The following PSKH2 variants were observed in gnomAD, a reference collection of about 807,000 sequenced individuals.
The protein encoded by PSKH2 is serine/threonine-protein kinase H2.
In PSKH2, 16 loss-of-function variants were observed where a neutral mutation model predicts 22.5. That is an observed-to-expected ratio of 0.71 (90% CI 0.48 to 1.08). The LOEUF (loss-of-function observed/expected upper bound fraction) is 1.08, where lower values mean the gene tolerates loss of function less well. PSKH2 is among the 50% of genes least tolerant of loss of function. The pLI is 0.00. For missense variants in PSKH2, 516 were observed against 492.8 expected (o/e 1.05, Z -0.44); for synonymous variants, 188 against 184.8 (o/e 1.02, Z -0.14).
chr8:86,047,777 T>G lies in PSKH2; in HGVS notation c.*685A>C, dbSNP rs1211438448. On this transcript the variant is annotated 3_prime_UTR_variant, in exon 3 of 3. Coordinates refer to ENST00000276616, the MANE Select transcript of PSKH2 (RefSeq NM_033126.3). ...ACATACTGAAAAGAGTTGACAGTAG[T>G]GATAAGAAGCAAGATGTTTATATTT... 2.6e-5 allele frequency among the ~76,000 whole-genome samples: 4 copies of G among 152,116 alleles called. No individual in the cohort carries two copies. The highest frequency in any genetic ancestry group is 5.9e-5 in the Non-Finnish European group (4 of 67,982).
At chr8:86,058,667 G>A (rs925989160) in intron 2 of PSKH2, among the ~76,000 whole-genome samples, 50 of 152,176 alleles carry the variant, frequency 3.3e-4, no homozygotes, top group African/African-American at 1.1e-3. Flanking sequence ...GAAATTAATC[G>A]TAATTCTAAA....
In PSKH2 at chr8:86,064,365, G is replaced by T; in HGVS notation, c.452C>A (p.Ala151Asp). 3 of 1,614,138 alleles carry T rather than the reference G, an allele frequency of 1.9e-6. No individual in the cohort carries two copies. Among genetic ancestry groups the T allele is most frequent in the Non-Finnish European group, 2.5e-6 (3 of 1,180,024 alleles). Residue 151 changes from alanine to aspartate, a missense_variant, in exon 2 of 3, where the codon GCT becomes GAT. By Grantham distance (126) the Ala-to-Asp change is moderately radical. Coordinates refer to ENST00000276616, the MANE Select transcript of PSKH2 (RefSeq NM_033126.3). ...ATCCCGCTCTGTAAAGGATCCCTGA[G>T]CAATGAGTCGATCAAAGAGCTCCCC... The part of the protein sequence containing the change: ...TGGELFDRLI[A>D]QGSFTERDAV...
At chr8:86,049,463 G>A (rs1817578787) in intron 2 of PSKH2, among the ~76,000 whole-genome samples, 1 of 151,946 alleles carries the variant, frequency 6.6e-6, no homozygotes, top group Non-Finnish European at 1.5e-5. Flanking sequence ...GGAAGCTGAG[G>A]TGGGAGGATT....
intron 2 of PSKH2, among the ~76,000 whole-genome samples, chr8:86,049,192 C>T (rs1817575044): frequency 2.0e-5 from 3 of 152,154 alleles, no homozygotes; most frequent in Admixed American, 1.3e-4. Context: ...GTTCCTGTGA[C>T]TTCAAGAATG....
rs778160358 is a variant in PSKH2, at chr8:86,048,581, G to A, written c.1039C>T (p.His347Tyr). 6.2e-7 allele frequency: 1 copy of A among 1,614,076 alleles called. No individual in the cohort carries two copies. Among genetic ancestry groups the A allele is most frequent in the Non-Finnish European group, 8.5e-7 (1 of 1,179,960 alleles). ...TGTGCAGATCCAGGACTCTGAGAGT[G>A]GGGAGAGGCCCTCTGCATGAGGTTT... is the stretch of plus-strand genomic sequence containing the variant. ...SRNLMQRASP[H>Y]SQSPGSAQSS... is the part of the protein sequence containing the mutation. The change falls in exon 3 of 3, where the codon CAC becomes TAC. Residue 347 changes from histidine to tyrosine, a missense_variant. Coordinates refer to ENST00000276616, the MANE Select transcript of PSKH2 (RefSeq NM_033126.3).
At chr8:86,065,700 C>T (rs748822904) in intron 1 of PSKH2, among the ~76,000 whole-genome samples, 3 of 152,090 alleles carry the variant, frequency 2.0e-5, no homozygotes, top group Non-Finnish European at 2.9e-5. Context: ...TGGCCAGGCA[C>T]GGTGGGCTCA....
chr8:86,057,245 A>G (rs1817711361), intron 2 of PSKH2, among the ~76,000 whole-genome samples: 1 of 149,628 alleles, frequency 6.7e-6, no homozygotes, highest in Non-Finnish European at 1.5e-5. Flanking sequence ...CTTAATTATT[A>G]TATTATACAG....
intron 2 of PSKH2, among the ~76,000 whole-genome samples, chr8:86,053,913 G>A (rs750413011): frequency 3.9e-5 from 6 of 152,118 alleles, no homozygotes; most frequent in South Asian, 2.1e-4. Flanking sequence ...GACACGCAGC[G>A]GTAGTCCCAG....
chr8:86,060,222 T>C (rs1266775174), intron 2 of PSKH2, among the ~76,000 whole-genome samples: 3 of 152,194 alleles, frequency 2.0e-5, no homozygotes, highest in Non-Finnish European at 2.9e-5. Flanking sequence ...CTGTACAGTA[T>C]GAAAACTTCA....
chr8:86,057,463 T>C (rs532001285), intron 2 of PSKH2, among the ~76,000 whole-genome samples: 1 of 152,222 alleles, frequency 6.6e-6, no homozygotes, highest in African/African-American at 2.4e-5. Flanking sequence ...CTCAGCTCAC[T>C]GCAACCTCCA....
chr8:86,055,680 A>C (rs1817689783), intron 2 of PSKH2, among the ~76,000 whole-genome samples: 1 of 152,212 alleles, frequency 6.6e-6, no homozygotes, highest in African/African-American at 2.4e-5. Context: ...TCTAGTCATG[A>C]TGGAAAGAGA....
In PSKH2 at chr8:86,064,105, G is replaced by T. The variant is rs945215224; in HGVS notation, c.712C>A (p.Pro238Thr). 3 of 1,614,064 alleles carry T rather than the reference G, an allele frequency of 1.9e-6. No homozygotes were observed. The highest frequency in any genetic ancestry group is 2.5e-6 in the Non-Finnish European group (3 of 1,180,010). The change falls in exon 2 of 3, where the codon CCT (proline) becomes ACT (threonine). Residue 238 changes from proline (P) to threonine (T), a missense_variant. By Grantham distance (38) the Pro-to-Thr change is conservative. Transcript: ENST00000276616. Reference sequence around the variant, plus strand: ...CACATGTCCACTGCACTGGTATAAGGCTTCCTTAGCAAAACCTCAGGAGCT... The same window carrying T: ...CACATGTCCACTGCACTGGTATAAGTCTTCCTTAGCAAAACCTCAGGAGCT... ...YIAPEVLLRK[P>T]YTSAVDMWAL...
At chr8:86,050,223 A>T (rs201167021) in intron 2 of PSKH2, among the ~76,000 whole-genome samples, 1 of 3,656 alleles carries the variant, frequency 2.7e-4, no homozygotes, top group African/African-American at 5.3e-3. Flanking sequence ...GAAAAGAAAC[A>T]ATTTAATCTG....
intron 2 of PSKH2, among the ~76,000 whole-genome samples, chr8:86,049,827 A>G (rs1232143300): frequency 2.0e-5 from 3 of 150,986 alleles, no homozygotes; most frequent in Non-Finnish European, 3.0e-5. Flanking sequence ...AGAAAGGAAG[A>G]AAGGCAGAGA....
intron 2 of PSKH2, among the ~76,000 whole-genome samples, chr8:86,056,840 TAC>T (rs1414455478): frequency 2.0e-5 from 3 of 151,466 alleles, no homozygotes; most frequent in Non-Finnish European, 2.9e-5. Context: ...TGTCCAAAGT[TAC>T]ACAGTTAGTA....
At chr8:86,056,939 T>C (rs1311402575) in intron 2 of PSKH2, among the ~76,000 whole-genome samples, 2 of 150,012 alleles carry the variant, frequency 1.3e-5, no homozygotes, top group African/African-American at 2.5e-5. Flanking sequence ...GTTGTTGTTG[T>C]TGTTGTTGCT....
chr8:86,064,770 T>A, intron 1 of PSKH2, 139 bp from the exon 2 acceptor site: 1 of 753,156 alleles, frequency 1.3e-6, no homozygotes, highest in Admixed American at 3.1e-5. Flanking sequence ...TTGTGTTTAT[T>A]ATTTTTTGAA....
rs763221012 is a variant in PSKH2, at chr8:86,064,510, C to T, written c.307G>A (p.Glu103Lys). 3 of 1,614,084 alleles carry T rather than the reference C, an allele frequency of 1.9e-6. No homozygotes were observed. In the East Asian group the frequency reaches 6.7e-5, roughly 36 times the overall value. Reference sequence around the variant, plus strand: ...ACGCTCAGCTCAGACACGCACGCTTCTCTACCTTCCCTCTCTCTGGTTTCC... The same window carrying T: ...ACGCTCAGCTCAGACACGCACGCTTTTCTACCTTCCCTCTCTCTGGTTTCC... ...VMETREREGR[E>K]ACVSELSVLR... is the part of the protein sequence containing the mutation. The change falls in exon 2 of 3, where the codon GAA becomes AAA. Residue 103 changes from glutamate (E) to lysine (K), a missense_variant. Glu to Lys is a moderately conservative substitution (Grantham distance 56, BLOSUM62 1). Transcript: ENST00000276616.
intron 2 of PSKH2, among the ~76,000 whole-genome samples, chr8:86,054,775 T>C (rs1469275869): frequency 1.3e-5 from 2 of 152,190 alleles, no homozygotes; most frequent in Non-Finnish European, 2.9e-5. Flanking sequence ...ACTAGGCTCA[T>C]AAAGAGTTTA....
Sources: gnomAD v4.1 joint callset for allele counts (sites outside exome capture counted in the v4.1 genomes callset) on GRCh38, gnomAD v4.1.1 for gene constraint, MANE v1.5 for transcripts, NCBI Gene and HGNC (gene_info 2026-07-23, HGNC 2026-07-21) for gene names.